BANP: variants seen among roughly 807,000 people sequenced by gnomAD.
BANP encodes the protein BTG3 associated nuclear protein.
Under a neutral mutation model 68.1 loss-of-function variants are expected in BANP, and 11 were observed. The observed-to-expected ratio is 0.16, with a 90% CI of 0.10 to 0.27. The LOEUF is 0.27. BANP is among the 10% of genes least tolerant of loss of function. BANP has a pLI of 1.00. For missense variants in BANP, 504 were observed against 722.7 expected (o/e 0.70, Z 3.47); for synonymous variants, 329 against 303.2 (o/e 1.09, Z -0.88).
chr16:88,008,866 CA>C (rs1241694761), intron 6 of BANP, among the ~76,000 whole-genome samples: 1 of 152,158 alleles, frequency 6.6e-6, no homozygotes, highest in Non-Finnish European at 1.5e-5. Context: ...AAGGAGAGGT[CA>C]TCATCCAGAG....
intron 1 of BANP, among the ~76,000 whole-genome samples, chr16:87,964,637 A>T (rs1279441373): frequency 2.0e-5 from 3 of 152,310 alleles, no homozygotes; most frequent in Non-Finnish European, 1.5e-5. Context: ...ATAGCCTGGC[A>T]CGTGTTTTTA....
At chr16:87,955,560 C>T (rs148480624) in intron 1 of BANP, among the ~76,000 whole-genome samples, 36 of 152,330 alleles carry the variant, frequency 2.4e-4, no homozygotes, top group African/African-American at 7.7e-4. Context: ...GCACCAGTGT[C>T]CTCTTGCTGT....
intron 1 of BANP, among the ~76,000 whole-genome samples, chr16:87,955,016 G>A (rs1033189135): frequency 1.3e-5 from 2 of 152,238 alleles, no homozygotes; most frequent in East Asian, 3.8e-4. Context: ...GGCCTTGGAG[G>A]GCTGCCAGCG....
rs116838615 is a variant in BANP at position 88,003,178 on chromosome 16, A to G, written c.363-1117A>G. On this transcript the variant is annotated intron_variant, in intron 4 of 13. Transcript: ENST00000682872. The surrounding 1 kb of genome is among the most constrained non-coding windows in gnomAD (Gnocchi z 6.1). The stretch of plus-strand genomic sequence containing the variant: ...TGTCAGGTTTTGCTGTGTTAACGTT[A>G]GGTGTCACCAATAACAAGTAGAGGA... Among the ~76,000 whole-genome samples, 1,249 of 152,352 alleles carry G rather than the reference A, an allele frequency of 8.2e-3. 18 individuals carry two copies. Among genetic ancestry groups the G allele is most frequent in the African/African-American group, 0.028 (1,166 of 41,574 alleles).
chr16:87,972,358 T>A (rs1409329974), intron 1 of BANP, among the ~76,000 whole-genome samples: 1 of 152,082 alleles, frequency 6.6e-6, no homozygotes, highest in African/African-American at 2.4e-5. Flanking sequence ...CTAATGCTGG[T>A]TTCTGGTTAA....
At chr16:88,001,928 A>C (rs1393040600) in intron 4 of BANP, among the ~76,000 whole-genome samples, 6 of 152,174 alleles carry the variant, frequency 3.9e-5, no homozygotes, top group African/African-American at 1.4e-4. Flanking sequence ...AAAAACAAAA[A>C]AACAAAAAAA....
Position 88,071,482 on chromosome 16 carries a change from C to T in BANP, c.1378-587C>T, listed in dbSNP as rs540677857. Reference sequence around the variant, plus strand: ...GGCGGTACAAGGTCGGGAGGGCCAGCGGGGCTCTCTGCCACCAGGACTCAC... The same window carrying T: ...GGCGGTACAAGGTCGGGAGGGCCAGTGGGGCTCTCTGCCACCAGGACTCAC... On this transcript the variant is annotated intron_variant, in intron 12 of 13. Transcript: ENST00000682872. This position sits in a 1 kb window ranked among gnomAD's most constrained non-coding sequence, Gnocchi z 6.5. 1.7e-4 allele frequency: 78 copies of T among 456,366 alleles called. No individual in the cohort carries two copies. Among genetic ancestry groups the T allele is most frequent in the South Asian group, 1.1e-3 (72 of 64,564 alleles). 28.3% of individuals were successfully genotyped at this position (456,366 alleles called of 1,614,324 possible). A position where few individuals can be genotyped will look rare whatever the true frequency, so the allele number is the denominator to read the frequency against.
rs1280064586 is a variant in BANP at position 87,984,370 on chromosome 16, C to T, written c.362+111C>T. The T allele has an allele frequency of 9.0e-6, 11 of 1,226,160 alleles. No individual in the cohort carries two copies. In the East Asian group the frequency reaches 2.6e-4, roughly 28 times the overall value. The allele number at this position is 1,226,160 out of a possible 1,614,324, so 76.0% of individuals were successfully genotyped here. A position where few individuals can be genotyped will look rare whatever the true frequency, so the allele number is the denominator to read the frequency against. ...TCAGTTTGCTGGAGATGCGCGGTGTCTGCCTCAGCAGTCTCAGCAGTTTCT... is the reference window on the plus strand; with the variant it reads ...TCAGTTTGCTGGAGATGCGCGGTGTTTGCCTCAGCAGTCTCAGCAGTTTCT... On this transcript the variant is annotated intron_variant, in intron 4 of 13. Transcript: ENST00000682872.
intron 4 of BANP, among the ~76,000 whole-genome samples, chr16:88,001,520 A>G (rs974877256): frequency 1.3e-5 from 2 of 152,280 alleles, no homozygotes; most frequent in Non-Finnish European, 2.9e-5. Context: ...AAGATGTTCC[A>G]TAATTTAAAA....
intron 4 of BANP, among the ~76,000 whole-genome samples, chr16:87,987,597 C>T (rs1442192574): frequency 4.0e-5 from 6 of 150,940 alleles, no homozygotes; most frequent in African/African-American, 1.5e-4. Flanking sequence ...CACAGTGGCA[C>T]CCGCCTGTAA....
chr16:87,994,423 A>C (rs1485497923), intron 4 of BANP, among the ~76,000 whole-genome samples: 1 of 152,256 alleles, frequency 6.6e-6, no homozygotes, highest in Non-Finnish European at 1.5e-5. Flanking sequence ...GGAGCCTCTC[A>C]AAGCCAATTG....
At chr16:88,001,986 A>G (rs981413770) in intron 4 of BANP, among the ~76,000 whole-genome samples, 13 of 152,298 alleles carry the variant, frequency 8.5e-5, no homozygotes, top group African/African-American at 2.4e-4. Context: ...TTCAACTACA[A>G]TGGTTGAACA....
chr16:88,048,184 T>A (rs575208263), intron 11 of BANP, among the ~76,000 whole-genome samples: 4 of 152,358 alleles, frequency 2.6e-5, no homozygotes, highest in African/African-American at 9.6e-5. Flanking sequence ...TACCAGAGTT[T>A]AAAATAGCAA....
chr16:87,955,028 A>C (rs1452795085), intron 1 of BANP, among the ~76,000 whole-genome samples: 1 of 152,176 alleles, frequency 6.6e-6, no homozygotes, highest in East Asian at 1.9e-4. Flanking sequence ...CTGCCAGCGT[A>C]CCTGGGCAAG....
Position 88,075,461 on chromosome 16 carries a change from C to T in BANP, c.1522-1129C>T, listed in dbSNP as rs545690218. Among the ~76,000 whole-genome samples, 23 of 152,258 alleles carry T rather than the reference C, an allele frequency of 1.5e-4. No homozygotes were observed. The South Asian group carries it at 2.5e-3, about 16-fold the overall frequency. On this transcript the variant is annotated intron_variant, in intron 13 of 13. Coordinates refer to ENST00000682872, the MANE Select transcript of BANP (RefSeq NM_001386991.1). ...GAGGCGGCCGTGAGGTGTGCTTGCA[C>T]TACTGCACTCCAACCTGGGCAACAG...
chr16:88,024,114 G>A (rs187051650), intron 7 of BANP, among the ~76,000 whole-genome samples: 50 of 152,334 alleles, frequency 3.3e-4, no homozygotes, highest in African/African-American at 1.2e-3. Flanking sequence ...CCAGAGCAGG[G>A]GCTGCAGGTG....
chr16:87,980,239 A>T (rs765106955), intron 2 of BANP, among the ~76,000 whole-genome samples: 24 of 152,240 alleles, frequency 1.6e-4, no homozygotes, highest in Non-Finnish European at 2.9e-4. Context: ...CAAATGTGTA[A>T]ATTTTAAAAA....
chr16:88,038,179 G>A (rs575753866), intron 11 of BANP, among the ~76,000 whole-genome samples, 168 bp downstream of exon 11: 1 of 152,164 alleles, frequency 6.6e-6, no homozygotes, highest in South Asian at 2.1e-4. Flanking sequence ...GGTCATTGTG[G>A]GCATTGCGCT....
Position 88,063,012 on chromosome 16 carries a change from A to C in BANP, c.1312-2255A>C, listed in dbSNP as rs544577362. Among the ~76,000 whole-genome samples the C allele has an allele frequency of 5.3e-5, 8 of 152,330 alleles. No individual in the cohort carries two copies. The East Asian group carries it at 1.5e-3, about 29-fold the overall frequency. Reference sequence around the variant, plus strand: ...AAGATCTGACTGCTGAGTTGTCCTCATCACCAATTTCAAATCAAGCCCAAA... The same window carrying C: ...AAGATCTGACTGCTGAGTTGTCCTCCTCACCAATTTCAAATCAAGCCCAAA... On this transcript the variant is annotated intron_variant, in intron 11 of 13. Transcript: ENST00000682872.
Sources: allele counts gnomAD v4.1 joint callset (sites outside exome capture counted in the v4.1 genomes callset), GRCh38; gene constraint gnomAD v4.1.1; non-coding constraint Gnocchi (gnomAD v3.1); transcripts MANE v1.5; gene names NCBI Gene and HGNC (gene_info 2026-07-23, HGNC 2026-07-21).